RSF1: variants seen among roughly 807,000 people sequenced by gnomAD.
RSF1 encodes remodeling and spacing factor 1, also known as HBV pX-associated protein 8.
A neutral mutation model predicts 145.2 loss-of-function variants in RSF1; 13 were observed. That is an observed-to-expected ratio of 0.09 (90% CI 0.06 to 0.14). The LOEUF (loss-of-function observed/expected upper bound fraction) is 0.14. RSF1 is among the 10% of genes least tolerant of loss of function. The pLI is 1.00. For missense variants in RSF1, 1,517 were observed against 1,718.2 expected, an observed-to-expected ratio of 0.88 and a Z score of 2.07; for synonymous variants, 577 against 592.6, an observed-to-expected ratio of 0.97 and a Z score of 0.38.
intron 14 of RSF1, among the ~76,000 whole-genome samples, chr11:77,674,541 C>A (rs1488352497): frequency 6.6e-6 from 1 of 152,204 alleles, no homozygotes; most frequent in Non-Finnish European, 1.5e-5. Context: ...GGAGTGGAAA[C>A]ATTTGACAAC....
chr11:77,685,261 A>T, intron 9 of RSF1, 102 bp from the exon 10 acceptor site: 1 of 598,094 alleles, frequency 1.7e-6, no homozygotes, highest in Admixed American at 3.2e-5. Context: ...ATTTCACGTT[A>T]ACAGCAGAGG....
At chr11:77,793,023 G>A (rs189197910) in intron 1 of RSF1, among the ~76,000 whole-genome samples, 2 of 152,262 alleles carry the variant, frequency 1.3e-5, no homozygotes, top group Admixed American at 6.5e-5. Context: ...ATTAAAACCT[G>A]TAAATCACAA....
At chr11:77,792,792 T>C (rs1948533284) in intron 1 of RSF1, among the ~76,000 whole-genome samples, 2 of 149,688 alleles carry the variant, frequency 1.3e-5, no homozygotes, top group South Asian at 4.2e-4. Context: ...TTACCCTTTG[T>C]AAGTGAGAAA....
chr11:77,767,056 T>C (rs1338434162), intron 1 of RSF1, among the ~76,000 whole-genome samples: 1 of 152,184 alleles, frequency 6.6e-6, no homozygotes, highest in Non-Finnish European at 1.5e-5. Context: ...GCCCCACCTA[T>C]ATAAGGGGAC....
chr11:77,801,170 G>A (rs1948622857), intron 1 of RSF1, among the ~76,000 whole-genome samples: 1 of 152,116 alleles, frequency 6.6e-6, no homozygotes, highest in African/African-American at 2.4e-5. Context: ...GCTTCCACCT[G>A]TAATCCCAGC....
chr11:77,670,998 T>C (rs778124731), intron 15 of RSF1, among the ~76,000 whole-genome samples: 189 of 145,236 alleles, frequency 1.3e-3, no homozygotes, highest in Non-Finnish European at 1.4e-3. Context: ...TCCTAGCTAT[T>C]GGGAGGCTGA....
At chr11:77,725,950 G>C (rs1052599873) in intron 4 of RSF1, among the ~76,000 whole-genome samples, 1 of 152,000 alleles carries the variant, frequency 6.6e-6, no homozygotes, top group African/African-American at 2.4e-5. Context: ...AATATCTCTT[G>C]GGTTGAAAAG....
intron 4 of RSF1, among the ~76,000 whole-genome samples, chr11:77,732,699 C>CTGA (rs1961238037): frequency 6.6e-6 from 1 of 152,166 alleles, no homozygotes; most frequent in African/African-American, 2.4e-5. Flanking sequence ...TTGCCTGCCG[C>CTGA]CATCAATGAA....
intron 5 of RSF1, among the ~76,000 whole-genome samples, chr11:77,709,001 T>G (rs1266650751): frequency 6.6e-6 from 1 of 152,200 alleles, no homozygotes; most frequent in African/African-American, 2.4e-5. Flanking sequence ...AAAATTTGAT[T>G]AATAAAACAG....
rs117854498 is a variant in RSF1 at position 77,761,459 on chromosome 11, G to C, written c.279+3139C>G. 4.2e-3 allele frequency among the ~76,000 whole-genome samples: 631 copies of C among 151,680 alleles called. 2 individuals carry two copies. Among genetic ancestry groups the C allele is most frequent in the Non-Finnish European group, 7.0e-3 (478 of 67,988 alleles). ...AAATCAAGTGCGATTTCTTTTAAGG[G>C]ATAATTTATTAATAATTGGTTATCC... On this transcript the variant is annotated intron_variant, in intron 2 of 15. Coordinates refer to ENST00000308488, the MANE Select transcript of RSF1 (RefSeq NM_016578.4).
intron 5 of RSF1, among the ~76,000 whole-genome samples, chr11:77,705,889 C>A (rs796762055): frequency 1.3e-5 from 2 of 151,954 alleles, no homozygotes; most frequent in African/African-American, 4.8e-5. Context: ...CCCAACAAAC[C>A]AACAAAAAAA....
At chr11:77,820,429 C>A (rs982972853) in intron 1 of RSF1, 99 bp downstream of exon 1, 19 of 1,269,420 alleles carry the variant, frequency 1.5e-5, no homozygotes, top group Middle Eastern at 2.7e-4. Context: ...GACAGAGCCG[C>A]GGAGGCCCGA....
intron 1 of RSF1, among the ~76,000 whole-genome samples, chr11:77,817,999 G>T (rs916044669): frequency 6.6e-6 from 1 of 152,150 alleles, no homozygotes; most frequent in Non-Finnish European, 1.5e-5. Context: ...CACCTGCAGA[G>T]ACTTCTCATT....
At chr11:77,679,475 C>T (rs1388032103) in intron 11 of RSF1, among the ~76,000 whole-genome samples, 1 of 152,090 alleles carries the variant, frequency 6.6e-6, no homozygotes, top group Non-Finnish European at 1.5e-5. Flanking sequence ...GAGTTCAAGA[C>T]CAGCTTGGGC....
chr11:77,685,412 C>T (rs937720727), intron 9 of RSF1, among the ~76,000 whole-genome samples: 5 of 152,162 alleles, frequency 3.3e-5, no homozygotes, highest in Non-Finnish European at 1.5e-5. Context: ...TCTACTGCCT[C>T]AGCCTTGCAA....
chr11:77,694,523 G>A (rs1960236275), intron 7 of RSF1, among the ~76,000 whole-genome samples: 1 of 152,156 alleles, frequency 6.6e-6, no homozygotes, highest in Admixed American at 6.5e-5. Context: ...ACTCAAAAAT[G>A]TTTAATTTAA....
intron 1 of RSF1, among the ~76,000 whole-genome samples, chr11:77,788,213 G>A (rs1390336708): frequency 7.9e-6 from 1 of 127,016 alleles, no homozygotes; most frequent in Non-Finnish European, 1.7e-5. Flanking sequence ...ATATTACCGG[G>A]CATGCAAAGG....
the RSF1 span, among the ~76,000 whole-genome samples, chr11:77,848,580 G>A: frequency 6.6e-6 from 1 of 152,048 alleles, no homozygotes; most frequent in Non-Finnish European, 1.5e-5. Flanking sequence ...GGTTGGTCTC[G>A]AACGCCTGAC....
chr11:77,788,183 G>A (rs1948479367), intron 1 of RSF1, among the ~76,000 whole-genome samples: 7 of 70,698 alleles, frequency 9.9e-5, no homozygotes, highest in East Asian at 3.4e-4. Context: ...AAAAATTAGG[G>A]GTAAAAAAAA....
Sources: gnomAD v4.1 joint callset for allele counts (sites outside exome capture counted in the v4.1 genomes callset) on GRCh38, gnomAD v4.1.1 for gene constraint, MANE v1.5 for transcripts, NCBI Gene and HGNC (gene_info 2026-07-23, HGNC 2026-07-21) for gene names.